The following AATF variants were observed in gnomAD, a reference collection of about 807,000 sequenced individuals.
AATF encodes the protein protein AATF.
Under a neutral mutation model 63.7 loss-of-function variants are expected in AATF, and 48 were observed. That is an observed-to-expected ratio of 0.75 (90% confidence interval 0.60 to 0.96). AATF has a LOEUF of 0.96. Among genes scored for constraint, AATF ranks in the 40% least tolerant of loss-of-function variants. The probability of loss-of-function intolerance (pLI) is 0.00; values close to 1 mark genes in which losing one functional copy is unlikely to be tolerated. For synonymous variants in AATF, 258 were observed against 247.7 expected, an observed-to-expected ratio of 1.04 and a Z score of -0.39; for missense variants, 639 against 685.7, an observed-to-expected ratio of 0.93 and a Z score of 0.76.
intron 5 of AATF, among the ~76,000 whole-genome samples, chr17:36,987,177 G>T (rs1205775827): frequency 7.1e-6 from 1 of 140,440 alleles, no homozygotes; most frequent in African/African-American, 2.7e-5. Flanking sequence ...TTTTTGTAGA[G>T]ACAGGGTCTT....
intron 4 of AATF, among the ~76,000 whole-genome samples, chr17:36,976,346 T>C (rs1407978073): frequency 6.6e-6 from 1 of 152,212 alleles, no homozygotes; most frequent in African/African-American, 2.4e-5. Flanking sequence ...TTAAATGAAT[T>C]AGTACATATA....
chr17:36,972,052 G>T (rs939608226), intron 4 of AATF, among the ~76,000 whole-genome samples: 1 of 152,032 alleles, frequency 6.6e-6, no homozygotes, highest in Non-Finnish European at 1.5e-5. Context: ...TGTTGTGTAC[G>T]TTTTGCTTGG....
At chr17:37,042,305 A>AT (rs1041258579) in intron 11 of AATF, among the ~76,000 whole-genome samples, 1 of 151,062 alleles carries the variant, frequency 6.6e-6, no homozygotes, top group Non-Finnish European at 1.5e-5. Flanking sequence ...TTTCATCTGA[A>AT]TTTTTTTTCT....
At chr17:36,970,836 A>G (rs1048289905) in intron 4 of AATF, among the ~76,000 whole-genome samples, 7 of 152,132 alleles carry the variant, frequency 4.6e-5, no homozygotes, top group Non-Finnish European at 1.0e-4. Flanking sequence ...CGGCCTGGAT[A>G]GTCTTTTCAA....
intron 4 of AATF, among the ~76,000 whole-genome samples, chr17:36,961,320 A>G (rs2070945215): frequency 6.6e-6 from 1 of 152,246 alleles, no homozygotes; most frequent in African/African-American, 2.4e-5. Flanking sequence ...TAAAAATAGC[A>G]CTGTCCAGTA....
At chr17:36,991,944 A>G (rs1010387499) in intron 8 of AATF, among the ~76,000 whole-genome samples, 2 of 152,080 alleles carry the variant, frequency 1.3e-5, no homozygotes, top group African/African-American at 4.8e-5. Flanking sequence ...AGCTTAGTGG[A>G]GAATAGAGGA....
intron 8 of AATF, among the ~76,000 whole-genome samples, chr17:36,994,023 G>A (rs1005329757): frequency 6.6e-6 from 1 of 152,080 alleles, no homozygotes; most frequent in Non-Finnish European, 1.5e-5. Context: ...ATATGTGTGT[G>A]TACATACATA....
At chr17:37,025,539 A>G (rs1453951546) in intron 10 of AATF, among the ~76,000 whole-genome samples, 3 of 152,152 alleles carry the variant, frequency 2.0e-5, no homozygotes, top group Admixed American at 6.6e-5. Context: ...AATACAGGAC[A>G]GTGTTTAGTA....
chr17:37,033,184 CATCT>C, intron 11 of AATF, among the ~76,000 whole-genome samples: 1 of 152,200 alleles, frequency 6.6e-6, no homozygotes, highest in Non-Finnish European at 1.5e-5. Flanking sequence ...TTTGTGACCA[CATCT>C]GCTATCCTGT....
chr17:36,998,721 C>CT, intron 8 of AATF: 1 of 152,236 alleles, frequency 6.6e-6, no homozygotes, highest in East Asian at 1.9e-4. Flanking sequence ...GACCCTGTCT[C>CT]TAAGAACAAC....
chr17:36,964,013 TTTTTAAAAATTAA>T (rs1363625102), intron 4 of AATF, among the ~76,000 whole-genome samples: 1 of 151,796 alleles, frequency 6.6e-6, no homozygotes, highest in Non-Finnish European at 1.5e-5. Flanking sequence ...CCTGTCTCAA[TTTTTAAAAATTAA>T]TTTTAAAAAA....
At chr17:36,986,466 A>T in intron 4 of AATF, 151 bp from the exon 5 acceptor site, 1 of 626,462 alleles carries the variant, frequency 1.6e-6, no homozygotes. Context: ...ATTTGGGAAT[A>T]TTTCAGAGAG....
In AATF at chr17:36,998,958, C is replaced by G. The variant is rs544211607; in HGVS notation, c.1398+8101C>G. On this transcript the variant is annotated intron_variant, in intron 8 of 11. Coordinates refer to ENST00000619387, the MANE Select transcript of AATF (RefSeq NM_012138.4). ...GTTCTCTAGGGTTCTCACAAACATG[C>G]CTCAAGCATTCATTAGCCTACTGGT... is the stretch of plus-strand genomic sequence containing the variant. 197 of 152,304 alleles carry G rather than the reference C, an allele frequency of 1.3e-3. 2 individuals carry two copies. Among genetic ancestry groups the G allele is most frequent in the African/African-American group, 4.7e-3 (194 of 41,562 alleles). The allele number at this position is 152,304 out of a possible 1,614,324, so 9.4% of individuals were successfully genotyped here. A position where few individuals can be genotyped will look rare whatever the true frequency, so the allele number is the denominator to read the frequency against.
chr17:37,015,691 T>A (rs779333458), intron 8 of AATF, among the ~76,000 whole-genome samples: 1 of 152,010 alleles, frequency 6.6e-6, no homozygotes, highest in Non-Finnish European at 1.5e-5. Context: ...GAAATCTAAT[T>A]TTGGGGGTGG....
rs1449735524 is a variant in AATF at position 36,953,820 on chromosome 17, T to G, written c.745T>G (p.Leu249Val). The G allele has an allele frequency of 1.2e-6, 2 of 1,614,076 alleles. No individual in the cohort carries two copies. Among genetic ancestry groups the G allele is most frequent in the Non-Finnish European group, 1.7e-6 (2 of 1,180,040 alleles). ...AAGGATCAAACTACAAAAAGCTCTG[T>G]TGACCACCAACCAGCTTCCTCAACC... ...EGRIKLQKAL[L>V]TTNQLPQPDV... Residue 249 changes from leucine to valine, a missense_variant, in exon 4 of 12, where the codon TTG becomes GTG. Leu to Val is a conservative substitution (Grantham distance 32). Transcript: ENST00000619387.
chr17:36,952,204 G>T (rs1597695734), intron 2 of AATF, among the ~76,000 whole-genome samples: 1 of 152,132 alleles, frequency 6.6e-6, no homozygotes, highest in East Asian at 1.9e-4. Flanking sequence ...AAATTATAAT[G>T]TCTCCTTCTC....
intron 11 of AATF, among the ~76,000 whole-genome samples, chr17:37,037,054 G>A (rs574693437): frequency 6.7e-6 from 1 of 150,164 alleles, no homozygotes; most frequent in African/African-American, 2.5e-5. Context: ...TCTCACCCAG[G>A]CTGTAGTGCA....
intron 4 of AATF, among the ~76,000 whole-genome samples, chr17:36,973,651 G>A (rs1285633886): frequency 1.3e-5 from 2 of 152,184 alleles, no homozygotes; most frequent in African/African-American, 4.8e-5. Context: ...TAGACTTTCA[G>A]GGGGTCAGCT....
intron 8 of AATF, among the ~76,000 whole-genome samples, chr17:37,014,592 C>G (rs940808354): frequency 7.2e-5 from 11 of 152,160 alleles, no homozygotes; most frequent in Middle Eastern, 3.2e-3. Context: ...TTAGGATCTT[C>G]TCTTTACCTC....
Sources: allele counts gnomAD v4.1 joint callset (sites outside exome capture counted in the v4.1 genomes callset), GRCh38; gene constraint gnomAD v4.1.1; transcripts MANE v1.5; gene names NCBI Gene and HGNC (gene_info 2026-07-23, HGNC 2026-07-21).